SLC25A36: variants seen among roughly 807,000 people sequenced by gnomAD.
SLC25A36 encodes the protein epididymis secretory sperm binding protein.
SLC25A36 carries 24 observed loss-of-function variants against 35.3 expected under a neutral mutation model. That is an observed-to-expected ratio of 0.68 (90% CI 0.49 to 0.96). The LOEUF (loss-of-function observed/expected upper bound fraction) is 0.96. Among genes scored for constraint, SLC25A36 ranks in the 40% least tolerant of loss-of-function variants. The pLI is 0.00. For synonymous variants in SLC25A36, 141 were observed against 132.2 expected (o/e 1.07, Z -0.46); for missense variants, 294 against 381.1 (o/e 0.77, Z 1.90).
At chr3:140,970,860 T>TA (rs1268182567) in intron 4 of SLC25A36, 67 bp from the exon 5 acceptor site, 5 of 744,148 alleles carry the variant, frequency 6.7e-6, no homozygotes, top group African/African-American at 5.3e-5. Flanking sequence ...ATCTAATTTT[T>TA]AAAACCTTAA....
chr3:140,970,913 A>T lies in SLC25A36; in HGVS notation c.386-14A>T. 7.6e-7 allele frequency: 1 copy of T among 1,323,396 alleles called. No individual in the cohort carries two copies. Among genetic ancestry groups the T allele is most frequent in the Non-Finnish European group, 1.1e-6 (1 of 919,338 alleles). The allele number at this position is 1,323,396 out of a possible 1,614,324, so 82.0% of individuals were successfully genotyped here. On this transcript the variant is annotated splice_polypyrimidine_tract_variant and intron_variant, in intron 4 of 6. Transcript: ENST00000324194. The stretch of plus-strand genomic sequence containing the variant: ...TCATTTTTACCAGAGTTCATTTTAA[A>T]CATGTTTGTTTAGGTTTTACTGCAA...
At chr3:140,952,024 T>C (rs1576478190) in intron 1 of SLC25A36, among the ~76,000 whole-genome samples, 1 of 151,000 alleles carries the variant, frequency 6.6e-6, no homozygotes, top group South Asian at 2.1e-4. Context: ...TCTCTCTTTT[T>C]TTTTTTTTTG....
chr3:140,967,285 A>G (rs184724904), intron 4 of SLC25A36, among the ~76,000 whole-genome samples: 1 of 151,942 alleles, frequency 6.6e-6, no homozygotes, highest in East Asian at 1.9e-4. Flanking sequence ...AAAGAATGTA[A>G]TAACAATATA....
At chr3:140,966,315 G>A (rs1022159443) in intron 4 of SLC25A36, 4 of 322,082 alleles carry the variant, frequency 1.2e-5, no homozygotes, top group African/African-American at 6.8e-5. Context: ...GTGTGTTTGT[G>A]TGTAAACATT....
At chr3:140,969,268 TTTTTC>T (rs1275790934) in intron 4 of SLC25A36, among the ~76,000 whole-genome samples, 8 of 151,818 alleles carry the variant, frequency 5.3e-5, no homozygotes, top group Admixed American at 2.0e-4. Flanking sequence ...TAGTTTCATG[TTTTTC>T]TTTTCTTTTC....
intron 1 of SLC25A36, among the ~76,000 whole-genome samples, chr3:140,945,034 A>C (rs2107776753): frequency 6.6e-6 from 1 of 152,340 alleles, no homozygotes; most frequent in East Asian, 1.9e-4. Context: ...CTGCTATTAC[A>C]AAATACCAAA....
chr3:140,943,054 G>A (rs1934061726), intron 1 of SLC25A36, among the ~76,000 whole-genome samples: 1 of 152,188 alleles, frequency 6.6e-6, no homozygotes, highest in African/African-American at 2.4e-5. Context: ...CAAAATGAGT[G>A]TTAGAGCTTC....
At chr3:140,959,429 A>G (rs1199513113) in intron 2 of SLC25A36, 34 bp from the exon 3 acceptor site, 6 of 1,166,186 alleles carry the variant, frequency 5.1e-6, no homozygotes, top group Non-Finnish European at 7.2e-6. Flanking sequence ...ACTTTGAAAG[A>G]TATTTCTGAT....
At chr3:140,964,327 A>C (rs372470204) in intron 4 of SLC25A36, 2 of 151,922 alleles carry the variant, frequency 1.3e-5, no homozygotes, top group South Asian at 4.1e-4. Context: ...TAAAACTGGA[A>C]GGGACAATCC....
At chr3:140,959,077 G>A (rs1242766954) in intron 2 of SLC25A36, among the ~76,000 whole-genome samples, 28 of 148,240 alleles carry the variant, frequency 1.9e-4, no homozygotes, top group African/African-American at 6.2e-4. Flanking sequence ...GTGCAGTGGC[G>A]CAATCTTGGC....
chr3:140,974,323 A>G (rs1302945682), intron 6 of SLC25A36, among the ~76,000 whole-genome samples: 1 of 152,094 alleles, frequency 6.6e-6, no homozygotes, highest in Non-Finnish European at 1.5e-5. Context: ...TAGATAGTTT[A>G]CATACATTAC....
At chr3:140,957,074 T>C (rs1167246396) in intron 2 of SLC25A36, 1 of 154,950 alleles carries the variant, frequency 6.5e-6, no homozygotes, top group African/African-American at 2.4e-5. Flanking sequence ...TGATAATCTG[T>C]GATTTTTATG....
chr3:140,951,569 C>T (rs575659197), intron 1 of SLC25A36, among the ~76,000 whole-genome samples: 19 of 151,816 alleles, frequency 1.3e-4, no homozygotes, highest in African/African-American at 3.1e-4. Context: ...CTGCAACCTC[C>T]GCCTCCCAGG....
At chr3:140,961,104 T>C (rs576202465) in intron 3 of SLC25A36, among the ~76,000 whole-genome samples, 96 of 152,350 alleles carry the variant, frequency 6.3e-4, no homozygotes, top group Non-Finnish European at 1.0e-3. Flanking sequence ...TGTCTTGTTA[T>C]TTATTACGTT....
chr3:140,974,692 C>T (rs1030648898), intron 6 of SLC25A36, among the ~76,000 whole-genome samples: 2 of 152,020 alleles, frequency 1.3e-5, no homozygotes, highest in Non-Finnish European at 2.9e-5. Flanking sequence ...TTAAGTGTCG[C>T]TTTTGATTTT....
In SLC25A36 at chr3:140,944,457, G is replaced by C. The variant is rs576798049; in HGVS notation, c.41+2362G>C. Among the ~76,000 whole-genome samples the C allele has an allele frequency of 7.2e-5, 11 of 152,250 alleles. No homozygotes were observed. The South Asian group carries it at 1.0e-3, about 14-fold the overall frequency. On this transcript the variant is annotated intron_variant, in intron 1 of 6. Coordinates refer to ENST00000324194, the MANE Select transcript of SLC25A36 (RefSeq NM_001104647.3). ...AGTTAGGTTAATTGAGTTAAGGAACGATATCATGACAGCCTGTAAAAAAGG... is the reference window on the plus strand; with the variant it reads ...AGTTAGGTTAATTGAGTTAAGGAACCATATCATGACAGCCTGTAAAAAAGG...
At chr3:140,960,991 C>A (rs1220011178) in intron 3 of SLC25A36, among the ~76,000 whole-genome samples, 1 of 152,150 alleles carries the variant, frequency 6.6e-6, no homozygotes, top group Non-Finnish European at 1.5e-5. Flanking sequence ...TTCTCTGACA[C>A]CATTGCATCT....
intron 5 of SLC25A36, among the ~76,000 whole-genome samples, chr3:140,972,523 C>T (rs1934931796): frequency 6.6e-6 from 1 of 151,600 alleles, no homozygotes; most frequent in Non-Finnish European, 1.5e-5. Flanking sequence ...ATAATCCTAG[C>T]TACCTGGGAG....
chr3:140,965,125 G>GCTTCTATGCT (rs967381443), intron 4 of SLC25A36: 2 of 151,788 alleles, frequency 1.3e-5, no homozygotes, highest in Non-Finnish European at 3.0e-5. Flanking sequence ...TGCTCTCAGA[G>GCTTCTATGCT]CTTCTGTGCA....
Sources: allele counts gnomAD v4.1 joint callset (sites outside exome capture counted in the v4.1 genomes callset), GRCh38; gene constraint gnomAD v4.1.1; transcripts MANE v1.5; gene names NCBI Gene and HGNC (gene_info 2026-07-23, HGNC 2026-07-21).